The following PRKD1 variants were observed in gnomAD, a reference collection of about 807,000 sequenced individuals.
PRKD1 encodes protein kinase D1.
A neutral mutation model predicts 95.9 loss-of-function variants in PRKD1; 63 were observed. That is an observed-to-expected ratio of 0.66 (90% CI 0.54 to 0.81). PRKD1 has a LOEUF of 0.81. Among genes scored for constraint, PRKD1 ranks in the 30% least tolerant of loss-of-function variants. PRKD1 has a pLI of 0.00. For missense variants in PRKD1, 1,048 were observed against 1,165.3 expected, an observed-to-expected ratio of 0.90 and a Z score of 1.47; for synonymous variants, 425 against 423.1, an observed-to-expected ratio of 1.00 and a Z score of -0.05.
chr14:29,636,261 T>G (rs758294746), intron 7 of PRKD1, 29 bp downstream of exon 7: 29 of 1,613,618 alleles, frequency 1.8e-5, no homozygotes, highest in Non-Finnish European at 2.5e-5. Context: ...GGTTCCCCTG[T>G]TGGCTGAGGC....
chr14:29,630,891 A>G lies in PRKD1; in HGVS notation c.1523T>C (p.Val508Ala), dbSNP rs778500971. 1.2e-6 allele frequency: 2 copies of G among 1,614,004 alleles called. No homozygotes were observed. The highest frequency in any genetic ancestry group is 1.3e-5 in the African/African-American group (1 of 74,908). The change falls in exon 10 of 18, where the codon GTC (valine) becomes GCC (alanine). Residue 508 changes from valine (V) to alanine (A), a missense_variant. By Grantham distance (64) the Val-to-Ala change is moderately conservative. Around this residue, in one of 3 missense-constraint regions of PRKD1, gnomAD observed 739 missense variants for 861.9 expected, o/e 0.86. Transcript: ENST00000331968. Reference protein sequence around the residue: ...NVVYYVGENVVNPSSPSPNNS... With the variant: ...NVVYYVGENVANPSSPSPNNS... ...ATTTGGTGATGGGCTGGAAGGATTG[A>G]CCACATTTTCTCCCACATAATACAC...
intron 1 of PRKD1, among the ~76,000 whole-genome samples, chr14:29,892,134 A>G (rs187754330): frequency 4.1e-4 from 63 of 152,230 alleles, no homozygotes; most frequent in African/African-American, 1.4e-3. Flanking sequence ...ACACTTTCCA[A>G]ATGTTTTTCC....
intron 2 of PRKD1, among the ~76,000 whole-genome samples, chr14:29,667,927 A>C (rs1453472315): frequency 8.1e-6 from 1 of 123,028 alleles, no homozygotes; most frequent in Admixed American, 7.5e-5. Flanking sequence ...TGCTAGGTAA[A>C]TTTGTTTTTT....
intron 1 of PRKD1, among the ~76,000 whole-genome samples, chr14:29,829,086 A>G (rs531205821): frequency 1.3e-5 from 2 of 152,314 alleles, no homozygotes; most frequent in South Asian, 4.1e-4. Context: ...GCCATGGCCC[A>G]GGCAAACCCA....
At chr14:29,883,765 C>A (rs1161593782) in intron 1 of PRKD1, among the ~76,000 whole-genome samples, 1 of 152,134 alleles carries the variant, frequency 6.6e-6, no homozygotes, top group African/African-American at 2.4e-5. Flanking sequence ...AGTCCAGAGA[C>A]CCCCAAGATT....
At chr14:29,649,156 G>A (rs1480226249) in intron 4 of PRKD1, among the ~76,000 whole-genome samples, 1 of 152,204 alleles carries the variant, frequency 6.6e-6, no homozygotes, top group East Asian at 1.9e-4. Flanking sequence ...CCAGACTTGA[G>A]ATGGCCTGCC....
rs1412024896 is a variant in PRKD1 at position 29,927,734 on chromosome 14, G to A, written c.-222C>T. ...ATGGGGAGGAGGGAAAATGGCCGAGGCGGGAGGACTCTGAGGCCCGGAACG... is the reference window on the plus strand; with the variant it reads ...ATGGGGAGGAGGGAAAATGGCCGAGACGGGAGGACTCTGAGGCCCGGAACG... On this transcript the variant is annotated 5_prime_UTR_variant, in exon 1 of 18. Coordinates refer to ENST00000331968, the MANE Select transcript of PRKD1 (RefSeq NM_002742.3). The A allele has an allele frequency of 1.0e-5, 2 of 199,772 alleles. No individual in the cohort carries two copies. The highest frequency in any genetic ancestry group is 6.1e-5 in the Admixed American group (1 of 16,480). The allele number at this position is 199,772 out of a possible 1,614,324, so 12.4% of individuals were successfully genotyped here.
At chr14:29,678,465 T>A (rs1381388866) in intron 2 of PRKD1, among the ~76,000 whole-genome samples, 1 of 152,164 alleles carries the variant, frequency 6.6e-6, no homozygotes, top group Non-Finnish European at 1.5e-5. Context: ...ATTAGACAAG[T>A]TTTTTTAAAT....
At position 29,826,520 on chromosome 14, in the gene PRKD1, A is replaced by T. The variant is rs536960650; in HGVS notation, c.264+100729T>A. On this transcript the variant is annotated intron_variant, in intron 1 of 17. Transcript: ENST00000331968. Reference sequence around the variant, plus strand: ...TACATATATATGATGGAATATATGTATACATATATATGATGGAATATATGT... The same window carrying T: ...TACATATATATGATGGAATATATGTTTACATATATATGATGGAATATATGT... Among the ~76,000 whole-genome samples, 62 of 125,914 alleles carry T rather than the reference A, an allele frequency of 4.9e-4. 2 individuals are homozygous for T. Among genetic ancestry groups the T allele is most frequent in the Admixed American group, 3.6e-3 (40 of 11,162 alleles). The allele number at this position is 125,914 out of a possible 152,430, so 82.6% of individuals were successfully genotyped here. A position where few individuals can be genotyped will look rare whatever the true frequency, so the allele number is the denominator to read the frequency against.
At chr14:29,610,283 A>T (rs1225867830) in intron 13 of PRKD1, among the ~76,000 whole-genome samples, 1 of 152,192 alleles carries the variant, frequency 6.6e-6, no homozygotes, top group Non-Finnish European at 1.5e-5. Flanking sequence ...ATATAGAACT[A>T]TTATCTAAAA....
intron 1 of PRKD1, among the ~76,000 whole-genome samples, chr14:29,833,466 A>T (rs1891493244): frequency 6.6e-6 from 1 of 152,122 alleles, no homozygotes; most frequent in Non-Finnish European, 1.5e-5. Flanking sequence ...TTTAACATTC[A>T]GCTACCCAAA....
chr14:29,676,698 C>A (rs1883245255), intron 2 of PRKD1, among the ~76,000 whole-genome samples: 1 of 152,036 alleles, frequency 6.6e-6, no homozygotes. Flanking sequence ...GCTGAGAAAA[C>A]CGAGATATTA....
At chr14:29,590,152 T>C (rs1288942776) in intron 16 of PRKD1, among the ~76,000 whole-genome samples, 2 of 152,170 alleles carry the variant, frequency 1.3e-5, no homozygotes, top group African/African-American at 2.4e-5. Flanking sequence ...TGTTTAGAAA[T>C]TGAAATAAGA....
intron 13 of PRKD1, among the ~76,000 whole-genome samples, chr14:29,619,556 G>A (rs1486908020): frequency 1.3e-5 from 2 of 152,192 alleles, no homozygotes; most frequent in Non-Finnish European, 2.9e-5. Context: ...GTTGAGAGTG[G>A]TGAGAGGAAC....
At chr14:29,693,495 C>G (rs899875475) in intron 2 of PRKD1, among the ~76,000 whole-genome samples, 10 of 151,902 alleles carry the variant, frequency 6.6e-5, no homozygotes, top group African/African-American at 1.9e-4. Context: ...TAAGTTGCTA[C>G]TGAGATTGTT....
chr14:29,825,591 G>A (rs1891077236), intron 1 of PRKD1, among the ~76,000 whole-genome samples: 1 of 151,846 alleles, frequency 6.6e-6, no homozygotes, highest in Non-Finnish European at 1.5e-5. Context: ...ATCCACAAAG[G>A]GATCATTATT....
chr14:29,885,804 TAAAAAAAA>T (rs759317394), intron 1 of PRKD1, among the ~76,000 whole-genome samples: 779 of 53,480 alleles, frequency 0.015, 16 homozygotes, highest in Admixed American at 0.031. Flanking sequence ...CCATCTTTAC[TAAAAAAAA>T]AAAAAAAAAA....
At chr14:29,670,376 A>G (rs1415891540) in intron 2 of PRKD1, among the ~76,000 whole-genome samples, 3 of 152,236 alleles carry the variant, frequency 2.0e-5, no homozygotes, top group Non-Finnish European at 4.4e-5. Context: ...GGAACACTTC[A>G]TCCAAGAGAG....
rs45516696 is a variant in PRKD1, at chr14:29,906,018, A to C, written c.264+21231T>G. On this transcript the variant is annotated intron_variant, in intron 1 of 17. Coordinates refer to ENST00000331968, the MANE Select transcript of PRKD1 (RefSeq NM_002742.3). ...AAAAACAGTAAGGCAGAAAATTTAA[A>C]ACACATGAGGTGTAAATCTGGATTG... Among the ~76,000 whole-genome samples, 869 of 152,326 alleles carry C rather than the reference A, an allele frequency of 5.7e-3. 7 individuals are homozygous for C. The highest frequency in any genetic ancestry group is 0.02 in the African/African-American group (834 of 41,572).
Sources: allele counts gnomAD v4.1 joint callset (sites outside exome capture counted in the v4.1 genomes callset), GRCh38; gene constraint gnomAD v4.1.1; regional missense constraint gnomAD v4.1.1; transcripts MANE v1.5; gene names NCBI Gene and HGNC (gene_info 2026-07-23, HGNC 2026-07-21).